The following IGFBP1 variants were observed in gnomAD, a reference collection of about 807,000 sequenced individuals.
IGFBP1 encodes insulin like growth factor binding protein 1.
A neutral mutation model predicts 23.1 loss-of-function variants in IGFBP1; 31 were observed. That is an observed-to-expected ratio of 1.34 (90% CI 1.01 to 1.81). IGFBP1 has a LOEUF of 1.81. Ranked by LOEUF, IGFBP1 falls within the 40% of genes most tolerant of loss-of-function variation. IGFBP1 has a pLI of 0.00. For synonymous variants in IGFBP1, 148 were observed against 145.5 expected, an observed-to-expected ratio of 1.02 and a Z score of -0.13; for missense variants, 333 against 342.2, an observed-to-expected ratio of 0.97 and a Z score of 0.21.
At chr7:45,892,688 C>T (rs1787097583) in intron 3 of IGFBP1, among the ~76,000 whole-genome samples, 2 of 152,190 alleles carry the variant, frequency 1.3e-5, no homozygotes, top group African/African-American at 4.8e-5. Flanking sequence ...CCCCTGACAT[C>T]AGGCTATGAA....
chr7:45,889,099 C>A, intron 1 of IGFBP1, 98 bp downstream of exon 1: 1 of 903,804 alleles, frequency 1.1e-6, no homozygotes, highest in Non-Finnish European at 1.6e-6. Flanking sequence ...GGGCTGCAGC[C>A]GGGCAGGGGC....
chr7:45,892,486 C>A (rs750918658), intron 3 of IGFBP1, among the ~76,000 whole-genome samples: 1 of 152,200 alleles, frequency 6.6e-6, no homozygotes, highest in Non-Finnish European at 1.5e-5. Flanking sequence ...TAATAAAACA[C>A]AACAACATTT....
chr7:45,890,550 G>T lies in IGFBP1; in HGVS notation c.352G>T (p.Ala118Ser), dbSNP rs777838279. 15 of 1,607,276 alleles carry T rather than the reference G, an allele frequency of 9.3e-6. No homozygotes were observed. Among genetic ancestry groups the T allele is most frequent in the Non-Finnish European group, 1.2e-5 (14 of 1,177,368 alleles). The change falls in exon 2 of 4, where the codon GCA (alanine) becomes TCA (serine). Residue 118 changes from alanine (A) to serine (S), a missense_variant and splice_region_variant. Transcript: ENST00000275525. ...SDASAPHAAEAGSPESPESTE... is the reference protein window; with the variant it reads ...SDASAPHAAESGSPESPESTE... The stretch of plus-strand genomic sequence containing the variant: ...GGTCTGCAATGTTTCCTTTCCAGAG[G>T]CAGGGAGCCCTGAAAGCCCAGAGAG...
Position 45,888,708 on chromosome 7 carries a change from A to G in IGFBP1, c.56A>G (p.Gln19Arg). 1.3e-6 allele frequency: 2 copies of G among 1,597,298 alleles called. No individual in the cohort carries two copies. Among genetic ancestry groups the G allele is most frequent in the Middle Eastern group, 1.7e-4 (1 of 6,042 alleles). ...CTGGTACTGCTCCTGCTGACTGTCCAGGTCGGCGTGACAGCCGGCGCTCCG... is the reference window on the plus strand; with the variant it reads ...CTGGTACTGCTCCTGCTGACTGTCCGGGTCGGCGTGACAGCCGGCGCTCCG... Reference protein sequence around the residue: ...VWLVLLLLTVQVGVTAGAPWQ... With the variant: ...VWLVLLLLTVRVGVTAGAPWQ... Residue 19 changes from glutamine to arginine, a missense_variant, in exon 1 of 4, where the codon CAG (glutamine) becomes CGG (arginine). Transcript: ENST00000275525.
chr7:45,889,457 G>A (rs1275470660), intron 1 of IGFBP1, among the ~76,000 whole-genome samples: 17 of 152,212 alleles, frequency 1.1e-4, no homozygotes, highest in Non-Finnish European at 2.1e-4. Flanking sequence ...CCCTCCTGCT[G>A]GCCTCCCCAG....
intron 1 of IGFBP1, among the ~76,000 whole-genome samples, chr7:45,889,926 TCCCTTATAGG>T (rs1787052950): frequency 1.3e-5 from 2 of 151,914 alleles, no homozygotes; most frequent in South Asian, 4.2e-4. Context: ...CCACAGGGGG[TCCCTTATAGG>T]CCAGTGTGCT....
At chr7:45,890,252 C>T (rs758716059) in intron 1 of IGFBP1, among the ~76,000 whole-genome samples, 2 of 152,196 alleles carry the variant, frequency 1.3e-5, no homozygotes, top group Non-Finnish European at 2.9e-5. Flanking sequence ...TCAACCTCAG[C>T]AAATGCATTT....
intron 3 of IGFBP1, among the ~76,000 whole-genome samples, chr7:45,892,488 A>G (rs1281933066): frequency 6.6e-6 from 1 of 152,224 alleles, no homozygotes; most frequent in South Asian, 2.1e-4. Flanking sequence ...ATAAAACACA[A>G]CAACATTTTT....
At position 45,893,234 on chromosome 7, in the gene IGFBP1, G is replaced by A. The variant is rs1787115409; in HGVS notation, c.*143G>A. 1 of 335,896 alleles carries A rather than the reference G, an allele frequency of 3.0e-6. No homozygotes were observed. The highest frequency in any genetic ancestry group is 4.9e-6 in the Non-Finnish European group (1 of 203,176). 20.8% of individuals were successfully genotyped at this position (335,896 alleles called of 1,614,324 possible). A position where few individuals can be genotyped will look rare whatever the true frequency, so the allele number is the denominator to read the frequency against. ...TATACTCCATACATAACTTGATATAGAAAGCTGTTTATTTATTCACTGTAA... is the reference window on the plus strand; with the variant it reads ...TATACTCCATACATAACTTGATATAAAAAGCTGTTTATTTATTCACTGTAA... On this transcript the variant is annotated 3_prime_UTR_variant, in exon 4 of 4. Coordinates refer to ENST00000275525, the MANE Select transcript of IGFBP1 (RefSeq NM_000596.4).
Position 45,888,626 on chromosome 7 carries a change from G to A in IGFBP1, c.-27G>A, listed in dbSNP as rs764291762. 29 of 1,573,258 alleles carry A rather than the reference G, an allele frequency of 1.8e-5. No individual in the cohort carries two copies. Among genetic ancestry groups the A allele is most frequent in the Non-Finnish European group, 2.4e-5 (28 of 1,164,004 alleles). On this transcript the variant is annotated 5_prime_UTR_variant, in exon 1 of 4. Transcript: ENST00000275525. ...GCCGCCACCAGCCCAGAGAGCATCG[G>A]CCCCTGTCTGCTGCTCGCGCCTGGA...
intron 2 of IGFBP1, among the ~76,000 whole-genome samples, chr7:45,891,537 G>A (rs769379568): frequency 5.3e-5 from 8 of 152,218 alleles, no homozygotes; most frequent in Non-Finnish European, 8.8e-5. Context: ...ATCTAGAAAT[G>A]TCTTCTGCTA....
Position 45,888,700 on chromosome 7 carries a change from G to C in IGFBP1, c.48G>C (p.Leu16=). The change falls in exon 1 of 4, where the codon CTG becomes CTC. Residue 16 remains leucine (L), a synonymous_variant. Transcript: ENST00000275525. ...VARVWLVLLL[L]TVQVGVTAGA... is the part of the protein sequence containing the mutation. ...GCGTCTGGCTGGTACTGCTCCTGCT[G>C]ACTGTCCAGGTCGGCGTGACAGCCG... is the stretch of plus-strand genomic sequence containing the variant. The C allele has an allele frequency of 5.6e-6, 9 of 1,597,888 alleles. No homozygotes were observed. Among genetic ancestry groups the C allele is most frequent in the Non-Finnish European group, 6.8e-6 (8 of 1,179,458 alleles).
rs764809981 is a variant in IGFBP1, at chr7:45,888,970, G to T, written c.318G>T (p.Gln106His). 6.6e-6 allele frequency: 10 copies of T among 1,520,304 alleles called. No homozygotes were observed. The South Asian group carries it at 8.4e-5, about 13-fold the overall frequency. 94.2% of individuals were successfully genotyped at this position (1,520,304 alleles called of 1,614,324 possible). A position where few individuals can be genotyped will look rare whatever the true frequency, so the allele number is the denominator to read the frequency against. ...ALTRGQGACV[Q>H]ESDASAPHAA... Reference sequence around the variant, plus strand: ...CCCGCGGCCAAGGCGCCTGCGTGCAGGAGTCTGACGCCTCCGCTCCCCATG... The same window carrying T: ...CCCGCGGCCAAGGCGCCTGCGTGCATGAGTCTGACGCCTCCGCTCCCCATG... The change falls in exon 1 of 4, where the codon CAG becomes CAT. Residue 106 changes from glutamine to histidine, a missense_variant. By Grantham distance (24) the Gln-to-His change is conservative. Coordinates refer to ENST00000275525, the MANE Select transcript of IGFBP1 (RefSeq NM_000596.4).
At chr7:45,890,774 C>T (rs766534730) in intron 2 of IGFBP1, 57 bp downstream of exon 2, 26 of 1,483,210 alleles carry the variant, frequency 1.8e-5, no homozygotes, top group Middle Eastern at 2.4e-4. Context: ...TAGCTTGAGT[C>T]GGCTGTGACA....
Position 45,891,983 on chromosome 7 carries a change from C to T in IGFBP1, c.571C>T (p.Gln191Ter). The change falls in exon 3 of 4, where the codon CAG (glutamine) becomes TAG (stop). Residue 191 changes from glutamine to a stop codon, truncating the protein, a stop_gained. Coordinates refer to ENST00000275525, the MANE Select transcript of IGFBP1 (RefSeq NM_000596.4). LOFTEE classifies it high-confidence loss of function. ...YRVVESLAKA[Q>*]ETSGEEISKF... ...AGTCGTAGAGAGTTTAGCCAAGGCA[C>T]AGGAGACATCAGGAGAAGAAATTTC... 2 of 1,613,734 alleles carry T rather than the reference C, an allele frequency of 1.2e-6. No individual in the cohort carries two copies. Among genetic ancestry groups the T allele is most frequent in the Non-Finnish European group, 1.7e-6 (2 of 1,179,610 alleles).
chr7:45,893,195 T>C lies in IGFBP1; in HGVS notation c.*104T>C, dbSNP rs1052652. On this transcript the variant is annotated 3_prime_UTR_variant, in exon 4 of 4. Coordinates refer to ENST00000275525, the MANE Select transcript of IGFBP1 (RefSeq NM_000596.4). ...ATATATATGTATATGTATATATATATAGTAACTACTTTTTATACTCCATAC... is the reference window on the plus strand; with the variant it reads ...ATATATATGTATATGTATATATATACAGTAACTACTTTTTATACTCCATAC... The C allele has an allele frequency of 0.015, 7,143 of 489,104 alleles. 81 individuals carry two copies. The highest frequency in any genetic ancestry group is 0.018 in the Non-Finnish European group (5,988 of 325,864). 30.3% of individuals were successfully genotyped at this position (489,104 alleles called of 1,614,324 possible). A position where few individuals can be genotyped will look rare whatever the true frequency, so the allele number is the denominator to read the frequency against.
At chr7:45,889,247 C>G (rs1042458926) in intron 1 of IGFBP1, among the ~76,000 whole-genome samples, 4 of 152,234 alleles carry the variant, frequency 2.6e-5, no homozygotes, top group Admixed American at 2.6e-4. Context: ...GCACACATAG[C>G]TTAGTGGAGA....
chr7:45,888,843 C>T lies in IGFBP1; in HGVS notation c.191C>T (p.Ala64Val). The T allele has an allele frequency of 6.5e-7, 1 of 1,535,212 alleles. No individual in the cohort carries two copies. Among genetic ancestry groups the T allele is most frequent in the South Asian group, 1.2e-5 (1 of 84,390 alleles). ...SAGCGCCPMC[A>V]LPLGAACGVA... The stretch of plus-strand genomic sequence containing the variant: ...GGCTGCGGCTGTTGCCCGATGTGCG[C>T]CCTGCCTCTGGGCGCCGCGTGCGGC... The change falls in exon 1 of 4, where the codon GCC becomes GTC. Residue 64 changes from alanine to valine, a missense_variant. By Grantham distance (64) the Ala-to-Val change is moderately conservative (BLOSUM62 0). Transcript: ENST00000275525.
In IGFBP1 at chr7:45,891,730, A is replaced by G. The variant is rs192157825; in HGVS notation, c.520-202A>G. 2.6e-4 allele frequency among the ~76,000 whole-genome samples: 39 copies of G among 152,300 alleles called. 1 individual carries two copies. The highest frequency in any genetic ancestry group is 2.2e-3 in the Admixed American group (33 of 15,302). ...GGAGAGAATGGTGTTCTTGTTCTTT[A>G]TCTGAACAACTTAAGACAGACTAAC... On this transcript the variant is annotated intron_variant, in intron 2 of 3. Transcript: ENST00000275525.
Sources: allele counts gnomAD v4.1 joint callset (sites outside exome capture counted in the v4.1 genomes callset), GRCh38; gene constraint gnomAD v4.1.1; transcripts MANE v1.5; gene names NCBI Gene and HGNC (gene_info 2026-07-23, HGNC 2026-07-21).